CRISPLD2: variants seen among roughly 807,000 people sequenced by gnomAD.
CRISPLD2 encodes the protein cysteine-rich secretory protein LCCL domain-containing 2.
Under a neutral mutation model 71.1 loss-of-function variants are expected in CRISPLD2, and 47 were observed. The observed-to-expected ratio is 0.66, with a 90% CI of 0.52 to 0.84. CRISPLD2 has a LOEUF of 0.84. Among genes scored for constraint, CRISPLD2 ranks in the 40% least tolerant of loss-of-function variants. The probability of loss-of-function intolerance (pLI) is 0.00; values close to 1 mark genes in which losing one functional copy is unlikely to be tolerated. For synonymous variants in CRISPLD2, 317 were observed against 250.1 expected (o/e 1.27, Z -2.52); for missense variants, 830 against 651.1 (o/e 1.27, Z -2.99).
intron 5 of CRISPLD2, 29 bp from the exon 6 acceptor site, chr16:84,854,700 C>A (rs771921503): frequency 6.4e-7 from 1 of 1,572,298 alleles, no homozygotes; most frequent in South Asian, 1.1e-5. Flanking sequence ...GTGGTTCCCT[C>A]TGACGGTTGT....
chr16:84,863,746 G>A (rs988867307), intron 6 of CRISPLD2, among the ~76,000 whole-genome samples: 1 of 152,158 alleles, frequency 6.6e-6, no homozygotes, highest in South Asian at 2.1e-4. Flanking sequence ...GAGGCGGGCA[G>A]ATCACCGAGG....
At chr16:84,849,595 A>G in intron 4 of CRISPLD2, 78 bp downstream of exon 4, 1 of 884,060 alleles carries the variant, frequency 1.1e-6, no homozygotes, top group Non-Finnish European at 1.8e-6. Flanking sequence ...GGGGATTGTC[A>G]AATCTGTAAA....
intron 13 of CRISPLD2, among the ~76,000 whole-genome samples, chr16:84,881,362 T>A (rs1017897741): frequency 2.6e-5 from 4 of 152,206 alleles, no homozygotes; most frequent in African/African-American, 9.6e-5. Context: ...CTCTGTTTTT[T>A]CCCTCCGAAT....
intron 5 of CRISPLD2, among the ~76,000 whole-genome samples, chr16:84,851,612 G>GGTGGC (rs1231264525): frequency 6.6e-6 from 1 of 152,208 alleles, no homozygotes; most frequent in Non-Finnish European, 1.5e-5. Context: ...GTGTGCCTGC[G>GGTGGC]GTGGCGTGGC....
chr16:84,900,921 G>C (rs2071747759), intron 14 of CRISPLD2, among the ~76,000 whole-genome samples: 1 of 151,744 alleles, frequency 6.6e-6, no homozygotes, highest in African/African-American at 2.4e-5. Flanking sequence ...ATGGTGGTAT[G>C]CACCCGTGGT....
At chr16:84,864,647 T>C (rs1402573340) in intron 6 of CRISPLD2, among the ~76,000 whole-genome samples, 1 of 152,200 alleles carries the variant, frequency 6.6e-6, no homozygotes, top group Non-Finnish European at 1.5e-5. Flanking sequence ...ATATGCTCTT[T>C]TCTTTAGGTG....
chr16:84,838,371 G>C (rs1253409478), intron 1 of CRISPLD2, 51 bp from the exon 2 acceptor site: 12 of 1,187,102 alleles, frequency 1.0e-5, no homozygotes, highest in Non-Finnish European at 1.3e-5. Context: ...CCAGCGCTGT[G>C]ACCGGCTCCT....
rs1203860254 is a variant in CRISPLD2, at chr16:84,900,593, G to A, written c.1440-5995G>A. ...TCGCACAGCCCCGTTGTCATTGTCC[G>A]GGGAGTCTGCAGGTGTTATCTTTAT... On this transcript the variant is annotated intron_variant, in intron 14 of 14. Transcript: ENST00000262424. 5.9e-5 allele frequency among the ~76,000 whole-genome samples: 9 copies of A among 152,026 alleles called. No homozygotes were observed. In the South Asian group the frequency reaches 6.2e-4, roughly 11 times the overall value.
chr16:84,831,921 G>C (rs1916498503), intron 1 of CRISPLD2, among the ~76,000 whole-genome samples: 1 of 152,156 alleles, frequency 6.6e-6, no homozygotes. Flanking sequence ...TTTTAGTAAA[G>C]ATGGGGTTTC....
At position 84,864,631 on chromosome 16, in the gene CRISPLD2, C is replaced by T. The variant is rs186414322; in HGVS notation, c.710-2266C>T. 2.3e-3 allele frequency among the ~76,000 whole-genome samples: 356 copies of T among 152,346 alleles called. 2 individuals are homozygous for T. The highest frequency in any genetic ancestry group is 8.3e-3 in the African/African-American group (346 of 41,578). On this transcript the variant is annotated intron_variant, in intron 6 of 14. Transcript: ENST00000262424. ...CTTTGAATGTCTTTAAGCTCTGTTG[C>T]TGGACATATGCTCTTTTCTTTAGGT...
At chr16:84,836,495 C>T (rs896761163) in intron 1 of CRISPLD2, 4 of 152,158 alleles carry the variant, frequency 2.6e-5, no homozygotes, top group East Asian at 1.9e-4. Context: ...GAGGGCAGCC[C>T]GTCTGCCCTG....
chr16:84,894,105 C>G (rs1220473108), intron 14 of CRISPLD2, among the ~76,000 whole-genome samples: 1 of 152,166 alleles, frequency 6.6e-6, no homozygotes, highest in African/African-American at 2.4e-5. Flanking sequence ...TGATCCTCCT[C>G]TAGAAGAGGA....
At chr16:84,870,361 C>A (rs1174259410) in intron 8 of CRISPLD2, among the ~76,000 whole-genome samples, 1 of 151,830 alleles carries the variant, frequency 6.6e-6, no homozygotes, top group African/African-American at 2.4e-5. Flanking sequence ...GCTCTGTCAC[C>A]CAGGCTGAAG....
Position 84,909,167 on chromosome 16 carries a change from C to T in CRISPLD2, c.*2525C>T, listed in dbSNP as rs1206908298. 1 of 152,634 alleles carries T rather than the reference C, an allele frequency of 6.6e-6. No homozygotes were observed. The highest frequency in any genetic ancestry group is 2.4e-5 in the African/African-American group (1 of 41,448). The allele number at this position is 152,634 out of a possible 1,614,324, so 9.5% of individuals were successfully genotyped here. On this transcript the variant is annotated 3_prime_UTR_variant, in exon 15 of 15. Transcript: ENST00000262424. ...CCCTGTGTTTAAAAAGATCTTGTAC[C>T]AAGCCAACGGCGTTCCTGGCTCTCC...
At chr16:84,865,614 G>T (rs947212759) in intron 6 of CRISPLD2, among the ~76,000 whole-genome samples, 7 of 152,106 alleles carry the variant, frequency 4.6e-5, no homozygotes, top group Admixed American at 2.6e-4. Flanking sequence ...ACTTCTGTTG[G>T]GGCATAGGAG....
At chr16:84,822,172 G>A (rs757684066) in intron 1 of CRISPLD2, among the ~76,000 whole-genome samples, 1 of 152,232 alleles carries the variant, frequency 6.6e-6, no homozygotes, top group Non-Finnish European at 1.5e-5. Context: ...CAACATTGCT[G>A]ACAGGTACTG....
chr16:84,861,107 A>G (rs1477291704), intron 6 of CRISPLD2, among the ~76,000 whole-genome samples: 1 of 152,202 alleles, frequency 6.6e-6, no homozygotes, highest in Non-Finnish European at 1.5e-5. Flanking sequence ...TATTGTGCAT[A>G]ACTCTCCAAA....
At chr16:84,890,610 C>T (rs550588977) in intron 14 of CRISPLD2, among the ~76,000 whole-genome samples, 17 of 151,726 alleles carry the variant, frequency 1.1e-4, no homozygotes, top group Admixed American at 5.3e-4. Flanking sequence ...TCCTTAAATC[C>T]CTAGAAGTGG....
At chr16:84,886,621 G>C (rs1567701700) in intron 13 of CRISPLD2, among the ~76,000 whole-genome samples, 1 of 152,182 alleles carries the variant, frequency 6.6e-6, no homozygotes, top group Non-Finnish European at 1.5e-5. Flanking sequence ...CCAGGAGTTT[G>C]AGACCAGCCT....
Sources: allele counts gnomAD v4.1 joint callset (sites outside exome capture counted in the v4.1 genomes callset), GRCh38; gene constraint gnomAD v4.1.1; transcripts MANE v1.5; gene names NCBI Gene and HGNC (gene_info 2026-07-23, HGNC 2026-07-21).